PBX4: variants seen among roughly 807,000 people sequenced by gnomAD.
PBX4 encodes the protein pre-B-cell leukemia transcription factor 4.
Under a neutral mutation model 35.1 loss-of-function variants are expected in PBX4, and 26 were observed. The ratio of observed to expected loss-of-function variants is 0.74; its 90% CI spans 0.54 to 1.03. PBX4 has a LOEUF of 1.03. PBX4 is among the 50% of genes least tolerant of loss of function. The pLI, the probability that PBX4 is intolerant of heterozygous loss-of-function variation, is 0.00. For synonymous variants in PBX4, 199 were observed against 204.2 expected (o/e 0.97, Z 0.22); for missense variants, 448 against 504.3 (o/e 0.89, Z 1.07).
chr19:19,581,459 C>T (rs190333142), intron 2 of PBX4, among the ~76,000 whole-genome samples: 6 of 152,316 alleles, frequency 3.9e-5, no homozygotes, highest in East Asian at 1.9e-4. Flanking sequence ...CCTATTTCCT[C>T]GCACGCATCT....
chr19:19,579,538 A>G (rs1361112645), intron 2 of PBX4, among the ~76,000 whole-genome samples: 1 of 152,194 alleles, frequency 6.6e-6, no homozygotes, highest in African/African-American at 2.4e-5. Context: ...CCCACTCAGC[A>G]GTGCTCTCAC....
rs1161635885 is a variant in PBX4, at chr19:19,562,202, G to A, written c.1033-85C>T. The A allele has an allele frequency of 6.0e-6, 6 of 993,600 alleles. No individual in the cohort carries two copies. The Admixed American group carries it at 1.6e-4, about 27-fold the overall frequency. 61.5% of individuals were successfully genotyped at this position (993,600 alleles called of 1,614,324 possible). On this transcript the variant is annotated intron_variant, in intron 7 of 7. Transcript: ENST00000251203. This position sits in a 1 kb window ranked among gnomAD's most constrained non-coding sequence, Gnocchi z 4.8. ...CCACGTGCTGCAGGCGGAGCCTCCA[G>A]GGGTCCCTGGGAAGGCTTGGAAAAG...
intron 2 of PBX4, among the ~76,000 whole-genome samples, chr19:19,587,166 A>G (rs1042596941): frequency 7.9e-5 from 12 of 151,136 alleles, no homozygotes; most frequent in Admixed American, 5.9e-4. Context: ...CACCCCACCC[A>G]GCTAATTTTT....
At chr19:19,590,577 T>G (rs1439464137) in intron 2 of PBX4, among the ~76,000 whole-genome samples, 1 of 151,816 alleles carries the variant, frequency 6.6e-6, no homozygotes, top group Non-Finnish European at 1.5e-5. Flanking sequence ...CAAGTGATTC[T>G]CGCGCCTCAG....
chr19:19,615,709 C>T (rs566182996), intron 1 of PBX4, among the ~76,000 whole-genome samples: 86 of 152,256 alleles, frequency 5.6e-4, no homozygotes, highest in East Asian at 1.2e-3. Context: ...CTGGCCAACA[C>T]GGTGAAACCC....
intron 2 of PBX4, among the ~76,000 whole-genome samples, chr19:19,590,593 C>T (rs1190259295): frequency 1.3e-5 from 2 of 151,960 alleles, no homozygotes; most frequent in Admixed American, 1.3e-4. Context: ...CTCAGCCTCC[C>T]GATTAGCTGG....
rs1324165768 is a variant in PBX4 at position 19,563,500 on chromosome 19, G to A, written c.1032+9C>T. The A allele has an allele frequency of 1.3e-6, 2 of 1,545,194 alleles. No individual in the cohort carries two copies. Reference sequence around the variant, plus strand: ...ACCTGGGCGCTGTGGGACAGTGCCTGAGACTCACCTGGGACTGCAGGCAGC... The same window carrying A: ...ACCTGGGCGCTGTGGGACAGTGCCTAAGACTCACCTGGGACTGCAGGCAGC... On this transcript the variant is annotated intron_variant, in intron 7 of 7. Transcript: ENST00000251203. The surrounding 1 kb of genome is among the most constrained non-coding windows in gnomAD (Gnocchi z 5.1).
chr19:19,610,545 G>A (rs968568584), intron 1 of PBX4, among the ~76,000 whole-genome samples: 2 of 152,108 alleles, frequency 1.3e-5, no homozygotes, highest in Non-Finnish European at 2.9e-5. Context: ...GAGGTCAGGA[G>A]TTCAAGACCA....
intron 2 of PBX4, among the ~76,000 whole-genome samples, chr19:19,580,796 T>C (rs1035349366): frequency 6.6e-6 from 1 of 152,062 alleles, no homozygotes; most frequent in African/African-American, 2.4e-5. Context: ...CAGGCAGGAG[T>C]GCAGTGGCAC....
chr19:19,615,488 C>A (rs1189681579), intron 1 of PBX4, among the ~76,000 whole-genome samples: 3 of 152,136 alleles, frequency 2.0e-5, no homozygotes, highest in Admixed American at 2.0e-4. Flanking sequence ...CTTTCTCTCC[C>A]CAAACCATGA....
In PBX4 at chr19:19,588,231, C is replaced by T. The variant is rs539744592; in HGVS notation, c.193+11061G>A. ...TAATAGGCATCAGAGACCCCAGGGC[C>T]TCCACAGATCACACAGAGCCCCGGT... On this transcript the variant is annotated intron_variant, in intron 2 of 7. Coordinates refer to ENST00000251203, the MANE Select transcript of PBX4 (RefSeq NM_025245.3). 565 of 1,371,452 alleles carry T rather than the reference C, an allele frequency of 4.1e-4. 1 individual carries two copies. The highest frequency in any genetic ancestry group is 2.8e-3 in the Admixed American group (168 of 59,112). 85.0% of individuals were successfully genotyped at this position (1,371,452 alleles called of 1,614,324 possible). A position where few individuals can be genotyped will look rare whatever the true frequency, so the allele number is the denominator to read the frequency against.
Position 19,563,689 on chromosome 19 carries a change from G to T in PBX4, c.926-74C>A. 7.7e-7 allele frequency: 1 copy of T among 1,292,068 alleles called. No individual in the cohort carries two copies. The highest frequency in any genetic ancestry group is 1.1e-6 in the Non-Finnish European group (1 of 914,976). 80.0% of individuals were successfully genotyped at this position (1,292,068 alleles called of 1,614,324 possible). A position where few individuals can be genotyped will look rare whatever the true frequency, so the allele number is the denominator to read the frequency against. ...GTGGAACCCACCCAGCCCCTCAGCCGGCAGGAGGCCTCGAATGTGGCTCCT... is the reference window on the plus strand; with the variant it reads ...GTGGAACCCACCCAGCCCCTCAGCCTGCAGGAGGCCTCGAATGTGGCTCCT... On this transcript the variant is annotated intron_variant, in intron 6 of 7. Transcript: ENST00000251203. The surrounding 1 kb of genome is among the most constrained non-coding windows in gnomAD (Gnocchi z 5.1).
At chr19:19,566,309 A>C (rs2061341607) in intron 5 of PBX4, among the ~76,000 whole-genome samples, 1 of 152,110 alleles carries the variant, frequency 6.6e-6, no homozygotes, top group Admixed American at 6.5e-5. Flanking sequence ...CTTGGCACCC[A>C]CTGGGTGCCA....
chr19:19,576,289 G>A (rs533905437), intron 2 of PBX4, among the ~76,000 whole-genome samples: 14 of 152,146 alleles, frequency 9.2e-5, no homozygotes, highest in South Asian at 8.3e-4. Context: ...GCAGTGGCAC[G>A]ATCTCGGCTC....
rs906142834 is a variant in PBX4, at chr19:19,562,655, G to C, written c.1033-538C>G. On this transcript the variant is annotated intron_variant, in intron 7 of 7. Coordinates refer to ENST00000251203, the MANE Select transcript of PBX4 (RefSeq NM_025245.3). This position sits in a 1 kb window ranked among gnomAD's most constrained non-coding sequence, Gnocchi z 4.8. ...TGTCCACAGGACCCACCCCCACTAT[G>C]GTGGGCACGGTACAGGTTAAGGAAG... Among the ~76,000 whole-genome samples the C allele has an allele frequency of 4.6e-5, 7 of 152,176 alleles. No homozygotes were observed. The highest frequency in any genetic ancestry group is 2.1e-4 in the South Asian group (1 of 4,830).
intron 1 of PBX4, among the ~76,000 whole-genome samples, chr19:19,611,447 G>A (rs1050816858): frequency 3.9e-5 from 6 of 151,996 alleles, no homozygotes; most frequent in African/African-American, 7.2e-5. Flanking sequence ...TTGGGAGGCC[G>A]AGGCGGGCAG....
At chr19:19,599,575 C>T (rs1328480640) in intron 1 of PBX4, among the ~76,000 whole-genome samples, 2 of 152,158 alleles carry the variant, frequency 1.3e-5, no homozygotes, top group African/African-American at 2.4e-5. Flanking sequence ...TGGTGGCTCA[C>T]GCCTGTAATC....
intron 2 of PBX4, among the ~76,000 whole-genome samples, chr19:19,571,249 CA>C (rs1404977043): frequency 1.3e-5 from 2 of 152,086 alleles, no homozygotes; most frequent in African/African-American, 4.8e-5. Flanking sequence ...CTGGCATTGG[CA>C]GCGTGGCTGG....
chr19:19,567,273 C>T (rs2061348599), intron 5 of PBX4, among the ~76,000 whole-genome samples: 1 of 152,232 alleles, frequency 6.6e-6, no homozygotes, highest in Non-Finnish European at 1.5e-5. Context: ...TGCTCCAGCT[C>T]TGGCCTTGTT....
Sources: allele counts gnomAD v4.1 joint callset (sites outside exome capture counted in the v4.1 genomes callset), GRCh38; gene constraint gnomAD v4.1.1; non-coding constraint Gnocchi (gnomAD v3.1); transcripts MANE v1.5; gene names NCBI Gene and HGNC (gene_info 2026-07-23, HGNC 2026-07-21).